SLC39A9: variants seen among roughly 807,000 people sequenced by gnomAD.
SLC39A9 encodes solute carrier family 39 member 9.
SLC39A9 carries 14 observed loss-of-function variants against 28.4 expected under a neutral mutation model. That is an observed-to-expected ratio of 0.49 (90% CI 0.33 to 0.77). The LOEUF (loss-of-function observed/expected upper bound fraction) is 0.77. Ranked by LOEUF, SLC39A9 falls within the 30% of genes least tolerant of loss-of-function variation. SLC39A9 has a pLI of 0.02. For missense variants in SLC39A9, 283 were observed against 381.1 expected (o/e 0.74, Z 2.14); for synonymous variants, 119 against 149.6 (o/e 0.80, Z 1.49).
chr14:69,407,284 T>C lies in SLC39A9; in HGVS notation c.96+7819T>C, dbSNP rs866772743. Among the ~76,000 whole-genome samples, 153 of 144,184 alleles carry C rather than the reference T, an allele frequency of 1.1e-3. No homozygotes were observed. The Middle Eastern group carries it at 0.019, about 18-fold the overall frequency. 94.6% of individuals were successfully genotyped at this position (144,184 alleles called of 152,430 possible). A position where few individuals can be genotyped will look rare whatever the true frequency, so the allele number is the denominator to read the frequency against. ...ATTTCCTTCCTTCCTTTCTTTCCTT[T>C]CCTTCCTTCCCTTCCTTCCCTTCCT... On this transcript the variant is annotated intron_variant, in intron 1 of 6. Transcript: ENST00000336643.
At chr14:69,430,360 C>T (rs1884425389) in intron 2 of SLC39A9, among the ~76,000 whole-genome samples, 1 of 152,092 alleles carries the variant, frequency 6.6e-6, no homozygotes, top group Admixed American at 6.6e-5. Context: ...ATTTTGAATG[C>T]AGGTGAAAGT....
intron 1 of SLC39A9, among the ~76,000 whole-genome samples, chr14:69,417,084 C>T (rs1171954860): frequency 6.6e-6 from 1 of 152,130 alleles, no homozygotes; most frequent in East Asian, 1.9e-4. Context: ...AGGTTTTCTT[C>T]TAGGGTTTTT....
At chr14:69,422,068 A>T (rs528007538) in intron 1 of SLC39A9, among the ~76,000 whole-genome samples, 29 of 152,204 alleles carry the variant, frequency 1.9e-4, no homozygotes, top group African/African-American at 7.0e-4. Context: ...GAAATGCAGA[A>T]ATCACCTGTC....
At chr14:69,436,244 T>C (rs1884745354) in intron 2 of SLC39A9, among the ~76,000 whole-genome samples, 1 of 152,072 alleles carries the variant, frequency 6.6e-6, no homozygotes, top group African/African-American at 2.4e-5. Context: ...TCTCTATTTT[T>C]TAAAAATTAT....
intron 1 of SLC39A9, among the ~76,000 whole-genome samples, chr14:69,423,758 TG>T (rs1884025596): frequency 6.6e-6 from 1 of 151,938 alleles, no homozygotes; most frequent in Non-Finnish European, 1.5e-5. Flanking sequence ...ATTAGCCAGA[TG>T]TGGTGGTGCA....
chr14:69,450,927 A>G (rs1255020791), intron 3 of SLC39A9, among the ~76,000 whole-genome samples: 1 of 152,116 alleles, frequency 6.6e-6, no homozygotes, highest in Non-Finnish European at 1.5e-5. Flanking sequence ...GGTTTTACCT[A>G]TTTTCTGCAG....
chr14:69,445,916 G>A (rs964113023), intron 3 of SLC39A9, among the ~76,000 whole-genome samples: 3 of 152,170 alleles, frequency 2.0e-5, no homozygotes, highest in African/African-American at 4.8e-5. Context: ...TCACACTGAA[G>A]GGATTTAACA....
In SLC39A9 at chr14:69,460,258, G is replaced by C. The variant is rs1056599181; in HGVS notation, c.*1665G>C. ...CATGCCTATGATTTATTTCCTTCATGAATTTGTCACTGGATCAGCAGCTGT... is the reference window on the plus strand; with the variant it reads ...CATGCCTATGATTTATTTCCTTCATCAATTTGTCACTGGATCAGCAGCTGT... On this transcript the variant is annotated 3_prime_UTR_variant, in exon 7 of 7. Coordinates refer to ENST00000336643, the MANE Select transcript of SLC39A9 (RefSeq NM_018375.5). 1.0e-6 allele frequency: 1 copy of C among 985,676 alleles called. No individual in the cohort carries two copies. Among genetic ancestry groups the C allele is most frequent in the Non-Finnish European group, 1.2e-6 (1 of 829,948 alleles). The allele number at this position is 985,676 out of a possible 1,614,324, so 61.1% of individuals were successfully genotyped here. A position where few individuals can be genotyped will look rare whatever the true frequency, so the allele number is the denominator to read the frequency against.
intron 1 of SLC39A9, among the ~76,000 whole-genome samples, chr14:69,409,192 A>T (rs1394436335): frequency 1.3e-5 from 2 of 152,256 alleles, no homozygotes; most frequent in Non-Finnish European, 2.9e-5. Context: ...AATCACTAAT[A>T]ACATTTTTGT....
chr14:69,433,400 T>C (rs1884587453), intron 2 of SLC39A9, among the ~76,000 whole-genome samples: 1 of 152,230 alleles, frequency 6.6e-6, no homozygotes, highest in Admixed American at 6.5e-5. Context: ...GTGGTTTTCC[T>C]TTCTAACAAC....
intron 1 of SLC39A9, among the ~76,000 whole-genome samples, chr14:69,409,987 G>C (rs553997369): frequency 6.6e-6 from 1 of 152,098 alleles, no homozygotes; most frequent in African/African-American, 2.4e-5. Flanking sequence ...TAGTCTGCTC[G>C]GTTCAGTTGA....
In SLC39A9 at chr14:69,459,546, C is replaced by CTT; in HGVS notation, c.*961_*962dup. 2 of 926,730 alleles carry CTT rather than the reference C, an allele frequency of 2.2e-6. No individual in the cohort carries two copies. The highest frequency in any genetic ancestry group is 2.5e-6 in the Non-Finnish European group (2 of 788,264). 57.4% of individuals were successfully genotyped at this position (926,730 alleles called of 1,614,324 possible). A position where few individuals can be genotyped will look rare whatever the true frequency, so the allele number is the denominator to read the frequency against. ...AAGACTACCAAAATGTATGGTTGTC[C>CTT]TTTTTTTTTGTTTTTTTTTTTTTTA... is the stretch of plus-strand genomic sequence containing the variant. On this transcript the variant is annotated 3_prime_UTR_variant, in exon 7 of 7. Transcript: ENST00000336643.
At position 69,442,073 on chromosome 14, in the gene SLC39A9, ACAC is replaced by A. The variant is rs1187854093; in HGVS notation, c.216_218del (p.His72del). The A allele has an allele frequency of 1.7e-5, 28 of 1,614,014 alleles. No individual in the cohort carries two copies. The East Asian group carries it at 6.2e-4, about 36-fold the overall frequency. On this transcript the variant is annotated inframe_deletion, in exon 3 of 7. Transcript: ENST00000336643. ...TTATGGTTTATTCTGCTCTAGGAAA[ACAC>A]CACCAAGCAAGTGAAACACATAATG...
At position 69,434,083 on chromosome 14, in the gene SLC39A9, C is replaced by T. The variant is rs1004054903; in HGVS notation, c.206-7986C>T. On this transcript the variant is annotated intron_variant, in intron 2 of 6. Coordinates refer to ENST00000336643, the MANE Select transcript of SLC39A9 (RefSeq NM_018375.5). ...TACAGGCATGTAATTCTTTTCTTTT[C>T]TTTTTTTTTTTTTTTTGCGCGACAG... Among the ~76,000 whole-genome samples, 326 of 128,282 alleles carry T rather than the reference C, an allele frequency of 2.5e-3. 2 individuals are homozygous for T. The highest frequency in any genetic ancestry group is 8.9e-3 in the African/African-American group (306 of 34,540). 84.2% of individuals were successfully genotyped at this position (128,282 alleles called of 152,430 possible).
intron 2 of SLC39A9, among the ~76,000 whole-genome samples, chr14:69,426,843 T>C (rs1594923792): frequency 6.6e-6 from 1 of 151,878 alleles, no homozygotes; most frequent in South Asian, 2.1e-4. Context: ...ACATAACGTT[T>C]GTGTGTGTGT....
rs1006222764 is a variant in SLC39A9, at chr14:69,460,743, G to A, written c.*2150G>A. The A allele has an allele frequency of 4.9e-5, 48 of 985,286 alleles. No homozygotes were observed. Among genetic ancestry groups the A allele is most frequent in the Non-Finnish European group, 5.7e-5 (47 of 829,964 alleles). 61.0% of individuals were successfully genotyped at this position (985,286 alleles called of 1,614,324 possible). A position where few individuals can be genotyped will look rare whatever the true frequency, so the allele number is the denominator to read the frequency against. ...GACTTCCAAATTTGCCTTCCCCTCT[G>A]GACCTCACTATTAACAAGCAAACCT... is the stretch of plus-strand genomic sequence containing the variant. On this transcript the variant is annotated 3_prime_UTR_variant, in exon 7 of 7. Coordinates refer to ENST00000336643, the MANE Select transcript of SLC39A9 (RefSeq NM_018375.5).
intron 3 of SLC39A9, among the ~76,000 whole-genome samples, 178 bp downstream of exon 3, chr14:69,442,444 G>A (rs1885094438): frequency 6.6e-6 from 1 of 152,206 alleles, no homozygotes; most frequent in Non-Finnish European, 1.5e-5. Context: ...GGCATGTGGC[G>A]CAAAGAAGTG....
At chr14:69,407,302 C>CCTTCCTTCCTTCCTTCCTTCCTTCCTT (rs1555405708) in intron 1 of SLC39A9, among the ~76,000 whole-genome samples, 6 of 143,940 alleles carry the variant, frequency 4.2e-5, no homozygotes, top group African/African-American at 1.5e-4. Context: ...TCCCTTCCTT[C>CCTTCCTTCCTTCCTTCCTTCCTTCCTT]CCTTCCTTCC....
chr14:69,447,981 G>C (rs377099756), intron 3 of SLC39A9, among the ~76,000 whole-genome samples: 1 of 150,708 alleles, frequency 6.6e-6, no homozygotes, highest in Non-Finnish European at 1.5e-5. Flanking sequence ...TTGGGAGGCC[G>C]AGGCAGGTGG....
Sources: gnomAD v4.1 joint callset for allele counts (sites outside exome capture counted in the v4.1 genomes callset) on GRCh38, gnomAD v4.1.1 for gene constraint, MANE v1.5 for transcripts, NCBI Gene and HGNC (gene_info 2026-07-23, HGNC 2026-07-21) for gene names.